The following C11orf65 variants were observed in gnomAD, a reference collection of about 807,000 sequenced individuals.
C11orf65 encodes the protein protein MFI.
C11orf65 carries 38 observed loss-of-function variants against 35.3 expected under a neutral mutation model. The observed-to-expected ratio is 1.08, with a 90% CI of 0.83 to 1.41. C11orf65 has a LOEUF of 1.41. Among genes scored for constraint, C11orf65 ranks in the 40% most tolerant of loss-of-function variants. The pLI is 0.00. For missense variants in C11orf65, 370 were observed against 367.1 expected (o/e 1.01, Z -0.06); for synonymous variants, 105 against 114.4 (o/e 0.92, Z 0.53).
At chr11:108,467,270 G>A (rs1352957745) in intron 1 of C11orf65, among the ~76,000 whole-genome samples, 2 of 152,132 alleles carry the variant, frequency 1.3e-5, no homozygotes, top group Non-Finnish European at 2.9e-5. Flanking sequence ...GTTACTCCCG[G>A]GCAGGACTGT....
intron 2 of C11orf65, among the ~76,000 whole-genome samples, chr11:108,346,075 C>A (rs1477339162): frequency 1.3e-5 from 2 of 152,066 alleles, no homozygotes; most frequent in Non-Finnish European, 2.9e-5. Flanking sequence ...TCTTGTTCAT[C>A]CTGATTCTTA....
At chr11:108,331,195 A>G (rs1793753428), downstream of C11orf65, 13 of 1,193,104 alleles carry the variant, frequency 1.1e-5, no homozygotes, top group South Asian at 2.6e-4. Context: ...AACAGTACCA[A>G]GTATTCTAGT....
intron 2 of C11orf65, among the ~76,000 whole-genome samples, chr11:108,450,068 C>T (rs2093325376): frequency 6.6e-6 from 1 of 151,974 alleles, no homozygotes; most frequent in African/African-American, 2.4e-5. Flanking sequence ...AAATGCAAAT[C>T]AAAACCACAA....
chr11:108,345,685 A>G (rs2088248747), intron 2 of C11orf65: 1 of 1,308,016 alleles, frequency 7.6e-7, no homozygotes, highest in Non-Finnish European at 1.1e-6. Context: ...AAAAATGTGT[A>G]TATTAGTTTA....
intron 6 of C11orf65, 58 bp from the exon 7 acceptor site, chr11:108,393,436 A>G: frequency 7.0e-7 from 1 of 1,436,374 alleles, no homozygotes; most frequent in East Asian, 2.3e-5. Context: ...TTACAAGTAG[A>G]TACAGGCAAT....
chr11:108,441,770 G>A (rs2093158569), intron 2 of C11orf65, among the ~76,000 whole-genome samples: 1 of 152,118 alleles, frequency 6.6e-6, no homozygotes, highest in Admixed American at 6.5e-5. Flanking sequence ...CCTATTAGAA[G>A]GAAAACTAAC....
rs184029731 is a variant in C11orf65 at position 108,315,997 on chromosome 11, A to G, written c.641-6926T>C. On this transcript the variant is annotated intron_variant, in intron 6 of 6. Coordinates refer to the C11orf65 transcript ENST00000525729. ...TGTAAAACCCAAAGCTATTTTCACAATCTTTTCTTATAGACTACGAACATA... is the reference window on the plus strand; with the variant it reads ...TGTAAAACCCAAAGCTATTTTCACAGTCTTTTCTTATAGACTACGAACATA... 65 of 1,613,556 alleles carry G rather than the reference A, an allele frequency of 4.0e-5. No homozygotes were observed. Among genetic ancestry groups the G allele is most frequent in the East Asian group, 2.2e-4 (10 of 44,860 alleles).
rs1555151925 is a variant in C11orf65 at position 108,365,410 on chromosome 11, G to A, written c.226+27798C>T. 6.2e-7 allele frequency: 1 copy of A among 1,614,210 alleles called. No homozygotes were observed. Among genetic ancestry groups the A allele is most frequent in the Non-Finnish European group, 8.5e-7 (1 of 1,180,038 alleles). ...ACTGAAAGGAGTGGAAGAAGGCACTGTGCTCAGTGTTGGTGGACAAGTGAA... is the reference window on the plus strand; with the variant it reads ...ACTGAAAGGAGTGGAAGAAGGCACTATGCTCAGTGTTGGTGGACAAGTGAA... On this transcript the variant is annotated intron_variant, in intron 2 of 3. Coordinates refer to the C11orf65 transcript ENST00000524755.
intron 3 of C11orf65, among the ~76,000 whole-genome samples, chr11:108,416,025 AT>A (rs1459062834): frequency 1.3e-5 from 2 of 152,242 alleles, no homozygotes; most frequent in Non-Finnish European, 2.9e-5. Context: ...CTCTTAGAAG[AT>A]AACATAGGAG....
chr11:108,324,469 T>A (rs1414042076), intron 6 of C11orf65, among the ~76,000 whole-genome samples: 1 of 152,184 alleles, frequency 6.6e-6, no homozygotes, highest in Non-Finnish European at 1.5e-5. Flanking sequence ...GTAGATATGG[T>A]CCAACGATCG....
intron 2 of C11orf65, chr11:108,356,057 G>GA (rs567040306): frequency 1.2e-4 from 19 of 152,026 alleles, no homozygotes; most frequent in Non-Finnish European, 2.5e-4. Context: ...TTCTTTTACC[G>GA]ATTTCAAATT....
chr11:108,421,384 G>A (rs2092814103), intron 3 of C11orf65, among the ~76,000 whole-genome samples: 1 of 152,142 alleles, frequency 6.6e-6, no homozygotes, highest in Non-Finnish European at 1.5e-5. Context: ...GGCCAGGTGC[G>A]ATAGCTCACG....
chr11:108,455,697 T>C (rs2093402885), intron 2 of C11orf65, among the ~76,000 whole-genome samples: 1 of 150,958 alleles, frequency 6.6e-6, no homozygotes. Context: ...ATGCCTGTAA[T>C]CCCAGCTACT....
chr11:108,467,703 A>AT (rs1213456638), upstream of C11orf65, among the ~76,000 whole-genome samples: 2 of 152,180 alleles, frequency 1.3e-5, no homozygotes, highest in Non-Finnish European at 2.9e-5. Flanking sequence ...GAGGCAAAGG[A>AT]TTTTGGAAGG....
intron 3 of C11orf65, among the ~76,000 whole-genome samples, chr11:108,430,020 T>C (rs1291567642): frequency 2.0e-5 from 3 of 151,920 alleles, no homozygotes; most frequent in Non-Finnish European, 2.9e-5. Flanking sequence ...TTAATGAGGA[T>C]AGAGTTTTGG....
chr11:108,335,910 G>T lies in C11orf65; in HGVS notation c.227-618C>A, dbSNP rs759069006. 1 of 1,613,998 alleles carries T rather than the reference G, an allele frequency of 6.2e-7. No individual in the cohort carries two copies. Among genetic ancestry groups the T allele is most frequent in the Non-Finnish European group, 8.5e-7 (1 of 1,179,948 alleles). Reference sequence around the variant, plus strand: ...TCTTCCAGATGTGTAATACATTACTGCAGAGAAACACGGAAACTAGGAAGA... The same window carrying T: ...TCTTCCAGATGTGTAATACATTACTTCAGAGAAACACGGAAACTAGGAAGA... On this transcript the variant is annotated intron_variant, in intron 2 of 3. Coordinates refer to the C11orf65 transcript ENST00000524755.
At chr11:108,319,846 A>G in intron 6 of C11orf65, 1 of 751,236 alleles carries the variant, frequency 1.3e-6, no homozygotes, top group East Asian at 2.6e-5. Context: ...ATTTTTTAGA[A>G]TGGAGAAATG....
chr11:108,462,449 G>C (rs1003274075), intron 1 of C11orf65: 1 of 152,246 alleles, frequency 6.6e-6, no homozygotes, highest in African/African-American at 2.4e-5. Context: ...TTGTGTTAGA[G>C]ATGAGGAGCC....
intron 6 of C11orf65, among the ~76,000 whole-genome samples, chr11:108,311,423 C>T (rs1422746008): frequency 6.6e-6 from 1 of 152,110 alleles, no homozygotes; most frequent in Non-Finnish European, 1.5e-5. Context: ...AGGTTGGGCA[C>T]AGTGGCTCAC....
Sources: allele counts gnomAD v4.1 joint callset (sites outside exome capture counted in the v4.1 genomes callset), GRCh38; gene constraint gnomAD v4.1.1; transcripts MANE v1.5; gene names NCBI Gene and HGNC (gene_info 2026-07-23, HGNC 2026-07-21).